Variants in WSB2 observed in about 807,000 individuals in gnomAD.
The protein encoded by WSB2 is WD repeat and SOCS box-containing protein 2.
WSB2 carries 12 observed loss-of-function variants against 48.8 expected under a neutral mutation model. That is an observed-to-expected ratio of 0.25 (90% CI 0.16 to 0.40). The LOEUF (loss-of-function observed/expected upper bound fraction) is 0.40, where lower values mean the gene tolerates loss of function less well. WSB2 is among the 10% of genes least tolerant of loss of function. WSB2 has a pLI of 1.00. For missense variants in WSB2, 317 were observed against 506.2 expected, an observed-to-expected ratio of 0.63 and a Z score of 3.59; for synonymous variants, 191 against 203.1, an observed-to-expected ratio of 0.94 and a Z score of 0.51.
rs761071374 is a variant in WSB2, at chr12:118,035,054, A to C, written c.984T>G (p.Ile328Met). 1.9e-6 allele frequency: 3 copies of C among 1,614,216 alleles called. No individual in the cohort carries two copies. Among genetic ancestry groups the C allele is most frequent in the Non-Finnish European group, 2.5e-6 (3 of 1,180,034 alleles). Residue 328 changes from isoleucine to methionine, a missense_variant, in exon 8 of 9, where the codon ATT (isoleucine) becomes ATG (methionine). Around this residue, in one of 2 missense-constraint regions of WSB2, gnomAD observed 189 missense variants for 349.6 expected, o/e 0.54. Coordinates refer to ENST00000315436, the MANE Select transcript of WSB2 (RefSeq NM_018639.5). The stretch of plus-strand genomic sequence containing the variant: ...GCCCATTGGTCATAGGAGCAAATGC[A>C]ATGGGAGTTTTCAGTTCCAGGGCCC... ...RIWALELKTP[I>M]AFAPMTNGLC...
intron 1 of WSB2, among the ~76,000 whole-genome samples, chr12:118,058,313 CCTCA>C (rs2031998746): frequency 6.6e-6 from 1 of 152,006 alleles, no homozygotes; most frequent in African/African-American, 2.4e-5. Context: ...ACCATCCTGG[CCTCA>C]CTATCTAAAG....
At chr12:118,043,460 G>A (rs1184312557) in intron 2 of WSB2, 83 bp from the exon 3 acceptor site, 4 of 1,500,798 alleles carry the variant, frequency 2.7e-6, no homozygotes, top group Non-Finnish European at 3.5e-6. Flanking sequence ...TAAGACTTTT[G>A]GGGAGTGGAG....
intron 2 of WSB2, among the ~76,000 whole-genome samples, chr12:118,045,232 C>A (rs1014280983): frequency 6.6e-6 from 1 of 151,794 alleles, no homozygotes; most frequent in Non-Finnish European, 1.5e-5. Flanking sequence ...GGCGTGGTGG[C>A]GGGTGCCTGT....
Position 118,042,893 on chromosome 12 carries a change from C to A in WSB2, c.507G>T (p.Leu169Phe), listed in dbSNP as rs200105998. ...GAGTCTTATCCCGTGACGCGGAGAC[C>A]AAAATCAAACTGCCACTGGGTGTGA... is the stretch of plus-strand genomic sequence containing the variant. The part of the protein sequence containing the change: ...LSFTPSGSLI[L>F]VSASRDKTLR... Residue 169 changes from leucine (L) to phenylalanine (F), a missense_variant, in exon 4 of 9, where the codon TTG becomes TTT. Physicochemically the swap from Leu to Phe is conservative, Grantham distance 22. Coordinates refer to ENST00000315436, the MANE Select transcript of WSB2 (RefSeq NM_018639.5). 2 of 1,614,154 alleles carry A rather than the reference C, an allele frequency of 1.2e-6. No individual in the cohort carries two copies. Among genetic ancestry groups the A allele is most frequent in the Non-Finnish European group, 1.7e-6 (2 of 1,180,028 alleles).
chr12:118,046,912 C>T (rs973198368), intron 2 of WSB2, among the ~76,000 whole-genome samples: 1 of 152,122 alleles, frequency 6.6e-6, no homozygotes, highest in Non-Finnish European at 1.5e-5. Context: ...GCTGGGACTA[C>T]AGGCGCATGC....
chr12:118,061,758 G>T (rs915593225), upstream of WSB2, among the ~76,000 whole-genome samples: 10 of 147,308 alleles, frequency 6.8e-5, no homozygotes, highest in Admixed American at 1.4e-4. Context: ...GGCCGATGAG[G>T]GGGGAAACGG....
At chr12:118,042,748 A>G in intron 4 of WSB2, 93 bp downstream of exon 4, 2 of 1,531,664 alleles carry the variant, frequency 1.3e-6, no homozygotes, top group East Asian at 2.3e-5. Flanking sequence ...AAACATCAAG[A>G]AACACTGTTT....
intron 4 of WSB2, among the ~76,000 whole-genome samples, chr12:118,041,992 G>T (rs1186974935): frequency 6.6e-6 from 1 of 152,072 alleles, no homozygotes; most frequent in Non-Finnish European, 1.5e-5. Context: ...CTGACCTCAG[G>T]TGATCCACCC....
At chr12:118,040,484 A>G (rs571863086) in intron 4 of WSB2, among the ~76,000 whole-genome samples, 1 of 152,120 alleles carries the variant, frequency 6.6e-6, no homozygotes, top group East Asian at 1.9e-4. Flanking sequence ...CTGCCAGCCG[A>G]GCGTGGTACC....
In WSB2 at chr12:118,061,124, G is replaced by A. The variant is rs1443199999; in HGVS notation, c.-76C>T. ...GGCCGCGGGCCCTCATGCCGCCCCC[G>A]CGCCGCCCGCCCCGGCCAGGCCGCC... is the stretch of plus-strand genomic sequence containing the variant. On this transcript the variant is annotated 5_prime_UTR_variant, in exon 1 of 9. Transcript: ENST00000315436. 2 of 980,678 alleles carry A rather than the reference G, an allele frequency of 2.0e-6. No individual in the cohort carries two copies. The highest frequency in any genetic ancestry group is 1.8e-5 in the African/African-American group (1 of 56,586). 60.7% of individuals were successfully genotyped at this position (980,678 alleles called of 1,614,324 possible).
At chr12:118,057,921 A>T (rs57151947) in intron 1 of WSB2, among the ~76,000 whole-genome samples, 46,505 of 143,638 alleles carry the variant, frequency 0.32, 8,075 homozygotes, top group East Asian at 0.55. Context: ...CACACTCAGC[A>T]TTTTTTTTTT....
chr12:118,056,866 A>C (rs2031966624), intron 1 of WSB2, among the ~76,000 whole-genome samples: 1 of 152,060 alleles, frequency 6.6e-6, no homozygotes, highest in East Asian at 1.9e-4. Context: ...GCACCACTGT[A>C]CTCCAGCCTG....
chr12:118,050,989 T>C (rs1285673424), intron 2 of WSB2, among the ~76,000 whole-genome samples: 1 of 151,078 alleles, frequency 6.6e-6, no homozygotes, highest in East Asian at 1.9e-4. Flanking sequence ...GAGGTGGAGG[T>C]TGCAATAAGC....
chr12:118,048,582 C>CAAAA (rs111998638), intron 2 of WSB2, among the ~76,000 whole-genome samples: 3 of 130,506 alleles, frequency 2.3e-5, no homozygotes, highest in African/African-American at 8.4e-5. Flanking sequence ...AAGACTCTCT[C>CAAAA]AAAAAAAAAA....
intron 1 of WSB2, among the ~76,000 whole-genome samples, chr12:118,053,359 C>T (rs2031891718): frequency 6.6e-6 from 1 of 152,136 alleles, no homozygotes; most frequent in African/African-American, 2.4e-5. Context: ...GAATCCCTAG[C>T]TTCTCAAAGT....
intron 5 of WSB2, among the ~76,000 whole-genome samples, chr12:118,037,583 G>C (rs975813370): frequency 2.6e-5 from 4 of 151,122 alleles, no homozygotes; most frequent in African/African-American, 9.7e-5. Context: ...CAGGAGAATC[G>C]CTTGAACCCG....
chr12:118,040,797 C>T (rs962445425), intron 4 of WSB2, among the ~76,000 whole-genome samples: 2 of 152,164 alleles, frequency 1.3e-5, no homozygotes, highest in African/African-American at 4.8e-5. Context: ...CCTGTAATCC[C>T]AGCACTTTAG....
intron 4 of WSB2, among the ~76,000 whole-genome samples, chr12:118,041,748 CTTTTTT>C (rs150072011): frequency 1.8e-4 from 18 of 101,532 alleles, no homozygotes; most frequent in Non-Finnish European, 3.2e-4. Flanking sequence ...TCTTATGTCA[CTTTTTT>C]TTTTTTTTTT....
intron 2 of WSB2, among the ~76,000 whole-genome samples, chr12:118,044,354 T>TA (rs2031703949): frequency 6.6e-6 from 1 of 152,174 alleles, no homozygotes; most frequent in African/African-American, 2.4e-5. Flanking sequence ...GGGCAGAACT[T>TA]AGAGGCTGAA....
Sources: allele counts gnomAD v4.1 joint callset (sites outside exome capture counted in the v4.1 genomes callset), GRCh38; gene constraint gnomAD v4.1.1; regional missense constraint gnomAD v4.1.1; transcripts MANE v1.5; gene names NCBI Gene and HGNC (gene_info 2026-07-23, HGNC 2026-07-21).